Variants in WDR7 observed in about 807,000 individuals in gnomAD.
WDR7 encodes WD repeat-containing protein 7.
WDR7 carries 46 observed loss-of-function variants against 169.4 expected under a neutral mutation model. The observed-to-expected ratio is 0.27, with a 90% confidence interval of 0.21 to 0.35. The LOEUF (loss-of-function observed/expected upper bound fraction) is 0.35. Among genes scored for constraint, WDR7 ranks in the 10% least tolerant of loss-of-function variants. The pLI, the probability that WDR7 is intolerant of heterozygous loss-of-function variation, is 1.00. For missense variants in WDR7, 1,534 were observed against 1,859.3 expected (o/e 0.83, Z 3.22); for synonymous variants, 612 against 666.8 (o/e 0.92, Z 1.27).
intron 21 of WDR7, among the ~76,000 whole-genome samples, chr18:56,907,221 T>C (rs2046490686): frequency 6.6e-6 from 1 of 152,234 alleles, no homozygotes; most frequent in Admixed American, 6.5e-5. Context: ...GCTTAAAATA[T>C]GGACGGTGAA....
intron 21 of WDR7, among the ~76,000 whole-genome samples, chr18:56,905,736 T>G (rs1057016808): frequency 6.6e-6 from 1 of 151,936 alleles, no homozygotes; most frequent in Admixed American, 6.6e-5. Context: ...ATTTATCTAT[T>G]TATATTTCTT....
In WDR7 at chr18:56,895,056, G is replaced by A. The variant is rs574733175; in HGVS notation, c.3526+14891G>A. 3.9e-5 allele frequency among the ~76,000 whole-genome samples: 6 copies of A among 152,102 alleles called. No individual in the cohort carries two copies. In the East Asian group the frequency reaches 7.7e-4, roughly 20 times the overall value. On this transcript the variant is annotated intron_variant, in intron 21 of 27. Transcript: ENST00000254442. ...ATATTAAGCTGAAACTAAAAGCTACGTCATCCTTAGTCGGTTCACATTAGA... is the reference window on the plus strand; with the variant it reads ...ATATTAAGCTGAAACTAAAAGCTACATCATCCTTAGTCGGTTCACATTAGA...
At chr18:56,848,320 T>G (rs552034227) in intron 20 of WDR7, among the ~76,000 whole-genome samples, 11 of 152,372 alleles carry the variant, frequency 7.2e-5, no homozygotes, top group African/African-American at 2.4e-4. Context: ...ACCTTATGCC[T>G]GTAGCACCAT....
chr18:56,949,090 T>A (rs2047145447), intron 25 of WDR7, among the ~76,000 whole-genome samples: 2 of 152,262 alleles, frequency 1.3e-5, no homozygotes, highest in South Asian at 4.1e-4. Flanking sequence ...TCTCTTCATC[T>A]ACTGGAATCT....
chr18:56,888,554 G>C (rs1314686041), intron 21 of WDR7, among the ~76,000 whole-genome samples: 5 of 152,126 alleles, frequency 3.3e-5, no homozygotes, highest in African/African-American at 1.2e-4. Flanking sequence ...CTGCTGTCTT[G>C]TTTTATATCA....
chr18:56,950,415 C>T (rs553224246), intron 25 of WDR7, among the ~76,000 whole-genome samples: 12 of 152,226 alleles, frequency 7.9e-5, no homozygotes, highest in Middle Eastern at 3.4e-3. Flanking sequence ...GCTTTTGCAC[C>T]ATCAGTGCAA....
At chr18:56,818,995 A>T (rs1006982548) in intron 20 of WDR7, among the ~76,000 whole-genome samples, 9 of 152,192 alleles carry the variant, frequency 5.9e-5, no homozygotes, top group African/African-American at 1.9e-4. Context: ...TATTACTTTT[A>T]TTATTGTAGT....
At chr18:56,893,893 T>G (rs990524073) in intron 21 of WDR7, among the ~76,000 whole-genome samples, 20 of 152,022 alleles carry the variant, frequency 1.3e-4, no homozygotes, top group African/African-American at 4.8e-4. Flanking sequence ...CCTAAAAAAT[T>G]GACAAAACTT....
At chr18:56,678,447 G>A (rs1252320500) in intron 2 of WDR7, among the ~76,000 whole-genome samples, 1 of 151,350 alleles carries the variant, frequency 6.6e-6, no homozygotes, top group Non-Finnish European at 1.5e-5. Context: ...GAAAGGACTT[G>A]GGTGTTGTGT....
At chr18:56,841,361 G>A (rs1055964655) in intron 20 of WDR7, among the ~76,000 whole-genome samples, 3 of 151,948 alleles carry the variant, frequency 2.0e-5, no homozygotes, top group Non-Finnish European at 2.9e-5. Context: ...GGCCAACACG[G>A]TGAAACCCAA....
At chr18:56,886,741 A>G (rs966895034) in intron 21 of WDR7, among the ~76,000 whole-genome samples, 3 of 152,194 alleles carry the variant, frequency 2.0e-5, no homozygotes, top group Admixed American at 6.5e-5. Flanking sequence ...CACCTAACAC[A>G]TAAGGACTCA....
intron 22 of WDR7, among the ~76,000 whole-genome samples, chr18:56,929,023 A>G (rs2046844298): frequency 6.6e-6 from 1 of 152,158 alleles, no homozygotes; most frequent in Non-Finnish European, 1.5e-5. Context: ...GATGGTTCAC[A>G]CCTGTAATCC....
chr18:56,954,452 G>A (rs1787454), intron 25 of WDR7, among the ~76,000 whole-genome samples: 32,657 of 151,980 alleles, frequency 0.21, 7,063 homozygotes, highest in African/African-American at 0.56. Flanking sequence ...TTTAAAAGAA[G>A]CTAGCAATAT....
intron 12 of WDR7, among the ~76,000 whole-genome samples, chr18:56,714,139 A>G (rs896476835): frequency 2.0e-5 from 3 of 152,144 alleles, no homozygotes; most frequent in African/African-American, 7.2e-5. Context: ...AGGTTTTACT[A>G]TATTGGGTCA....
chr18:56,828,469 C>A (rs1248305120), intron 20 of WDR7, among the ~76,000 whole-genome samples: 1 of 151,966 alleles, frequency 6.6e-6, no homozygotes, highest in Non-Finnish European at 1.5e-5. Context: ...TCTGATGTGG[C>A]CATTTAGTTG....
intron 22 of WDR7, among the ~76,000 whole-genome samples, chr18:56,929,013 G>C (rs1426603914): frequency 1.3e-5 from 2 of 152,152 alleles, no homozygotes; most frequent in Non-Finnish European, 2.9e-5. Flanking sequence ...AGCTGGACAT[G>C]ATGGTTCACA....
At chr18:56,934,928 T>G (rs2046937681) in intron 22 of WDR7, among the ~76,000 whole-genome samples, 1 of 152,180 alleles carries the variant, frequency 6.6e-6, no homozygotes, top group Non-Finnish European at 1.5e-5. Context: ...AATGGGCAGA[T>G]CACGTGCCAC....
At chr18:56,682,116 AT>A (rs888567032) in intron 4 of WDR7, among the ~76,000 whole-genome samples, 48 of 152,320 alleles carry the variant, frequency 3.2e-4, no homozygotes, top group African/African-American at 1.1e-3. Flanking sequence ...ATTGTGTTTG[AT>A]TTAGTCCTCC....
At chr18:56,760,216 C>T (rs1213861525) in intron 16 of WDR7, among the ~76,000 whole-genome samples, 1 of 152,106 alleles carries the variant, frequency 6.6e-6, no homozygotes, top group Admixed American at 6.5e-5. Flanking sequence ...GCAGAACACC[C>T]TTGTAACTAT....
Sources: gnomAD v4.1 joint callset for allele counts (sites outside exome capture counted in the v4.1 genomes callset) on GRCh38, gnomAD v4.1.1 for gene constraint, MANE v1.5 for transcripts, NCBI Gene and HGNC (gene_info 2026-07-23, HGNC 2026-07-21) for gene names.